MYH7B: variants seen among roughly 807,000 people sequenced by gnomAD.
MYH7B encodes myosin heavy chain 7B.
MYH7B carries 205 observed loss-of-function variants against 234.5 expected under a neutral mutation model. That is an observed-to-expected ratio of 0.87 (90% CI 0.78 to 0.98). The LOEUF is 0.98. Among genes scored for constraint, MYH7B ranks in the 50% least tolerant of loss-of-function variants. The pLI, the probability that MYH7B is intolerant of heterozygous loss-of-function variation, is 0.00. For synonymous variants in MYH7B, 1,193 were observed against 1,105.0 expected (o/e 1.08, Z -1.58); for missense variants, 2,652 against 2,633.4 (o/e 1.01, Z -0.15).
intron 26 of MYH7B, among the ~76,000 whole-genome samples, 192 bp downstream of exon 26, chr20:34,993,662 C>T (rs1202039299): frequency 6.6e-6 from 1 of 152,252 alleles, no homozygotes; most frequent in African/African-American, 2.4e-5. Flanking sequence ...GCACTTGCCT[C>T]TCCATTTCAG....
chr20:34,964,948 A>C (rs1484422311), intron 2 of MYH7B, among the ~76,000 whole-genome samples: 1 of 152,064 alleles, frequency 6.6e-6, no homozygotes, highest in East Asian at 1.9e-4. Context: ...AATGAATAGT[A>C]ATGATTATAT....
chr20:34,984,458 A>C (rs1261185505), intron 10 of MYH7B, among the ~76,000 whole-genome samples: 2 of 152,074 alleles, frequency 1.3e-5, no homozygotes, highest in Non-Finnish European at 2.9e-5. Context: ...GGGGCAGAGG[A>C]GGCTGCAGGT....
At chr20:35,001,645 A>G (rs1395802063) in intron 43 of MYH7B, 119 bp downstream of exon 43, 4 of 919,762 alleles carry the variant, frequency 4.3e-6, no homozygotes, top group Non-Finnish European at 6.7e-6. Flanking sequence ...CAGAGGGAAG[A>G]GAGAAGCTTC....
chr20:34,986,721 G>C (rs1349589903), intron 14 of MYH7B, among the ~76,000 whole-genome samples, 165 bp from the exon 15 acceptor site: 1 of 152,208 alleles, frequency 6.6e-6, no homozygotes, highest in African/African-American at 2.4e-5. Context: ...CTTGGCAGGA[G>C]TGAGGATGAG....
chr20:34,999,494 G>C (rs1029350065), intron 36 of MYH7B, 77 bp from the exon 37 acceptor site: 45 of 1,526,582 alleles, frequency 2.9e-5, no homozygotes, highest in Non-Finnish European at 3.9e-5. Flanking sequence ...GGCCACCCTG[G>C]AATCAGGGGT....
chr20:34,984,592 C>T (rs1055385257), intron 10 of MYH7B, 100 bp from the exon 11 acceptor site: 7 of 1,062,746 alleles, frequency 6.6e-6, no homozygotes, highest in East Asian at 4.9e-5. Context: ...ACTCCACCCC[C>T]CTGTCCTGCT....
chr20:34,967,713 C>T (rs2081755981), intron 2 of MYH7B, among the ~76,000 whole-genome samples: 1 of 152,180 alleles, frequency 6.6e-6, no homozygotes, highest in African/African-American at 2.4e-5. Context: ...GCCTAAGACT[C>T]CTGAACCTTC....
intron 2 of MYH7B, among the ~76,000 whole-genome samples, chr20:34,970,167 C>T (rs1484231994): frequency 6.6e-6 from 1 of 152,178 alleles, no homozygotes; most frequent in Non-Finnish European, 1.5e-5. Flanking sequence ...TCATGCCCTC[C>T]CTCTTCCTAA....
chr20:34,995,506 CAAG>C (rs1569056275), exon 28 of MYH7B: 4 of 1,614,138 alleles, frequency 2.5e-6, no homozygotes, highest in Admixed American at 1.7e-5. Flanking sequence ...GCACGGAGCT[CAAG>C]AAGGACATTG....
rs1481240696 is a variant in MYH7B, at chr20:35,001,232, C to T, written c.5476-13C>T. 1 of 1,607,906 alleles carries T rather than the reference C, an allele frequency of 6.2e-7. No homozygotes were observed. The highest frequency in any genetic ancestry group is 8.5e-7 in the Non-Finnish European group (1 of 1,176,536). ...GGGGTGGGCTTGGCATCAGGCTGTC[C>T]CCCTGCCTGCAGGTACGGGAGCTGG... On this transcript the variant is annotated splice_polypyrimidine_tract_variant and intron_variant, in intron 41 of 44. Transcript: ENST00000262873.
exon 45 of MYH7B, chr20:35,002,321 A>T: frequency 1.0e-6 from 1 of 982,900 alleles, no homozygotes. Flanking sequence ...AATAAACACC[A>T]CAGCCAGTTT....
At position 34,996,205 on chromosome 20, in the gene MYH7B, C is replaced by T. The variant is rs921394259; in HGVS notation, c.2944-141C>T. ...CCATGAGGAGGGTCCTTCCCTCAGG[C>T]AGAAGCGGTGGAGGCTCGGAGTCAA... On this transcript the variant is annotated intron_variant, in intron 28 of 44. Transcript: ENST00000262873. 7.2e-6 allele frequency: 7 copies of T among 976,494 alleles called. No individual in the cohort carries two copies. The African/African-American group carries it at 9.9e-5, about 14-fold the overall frequency. The allele number at this position is 976,494 out of a possible 1,614,324, so 60.5% of individuals were successfully genotyped here. A position where few individuals can be genotyped will look rare whatever the true frequency, so the allele number is the denominator to read the frequency against.
chr20:34,987,496 G>A (rs1426088038), intron 16 of MYH7B, 61 bp from the exon 17 acceptor site: 4 of 1,486,344 alleles, frequency 2.7e-6, no homozygotes, highest in Admixed American at 3.6e-5. Context: ...GGCTGAGGCA[G>A]TAGAGCCCCT....
In MYH7B at chr20:34,997,449, G is replaced by A. The variant is rs768172602; in HGVS notation, c.3556G>A (p.Glu1186Lys). ...GCTGGGGAGGCTGCGGCGGGAGCTG[G>A]AGGAGGCGGCGCTGCGGCACGAGGC... is the stretch of plus-strand genomic sequence containing the variant. Residue 1186 changes from glutamate to lysine, a missense_variant, in exon 32 of 45, where the codon GAG (glutamate) becomes AAG (lysine). This residue lies in a region of MYH7B where 2,279 missense variants were observed against 2,211.4 expected (regional missense o/e 1.03). Coordinates refer to ENST00000262873, the Ensembl canonical transcript of MYH7B. The A allele has an allele frequency of 7.0e-5, 104 of 1,483,660 alleles. No homozygotes were observed. The highest frequency in any genetic ancestry group is 8.9e-5 in the Non-Finnish European group (100 of 1,122,856). 91.9% of individuals were successfully genotyped at this position (1,483,660 alleles called of 1,614,324 possible). A position where few individuals can be genotyped will look rare whatever the true frequency, so the allele number is the denominator to read the frequency against.
Position 34,988,076 on chromosome 20 carries a change from CCCCTCCCT to C in MYH7B, c.1417-14_1417-7del. On this transcript the variant is annotated splice_polypyrimidine_tract_variant and splice_region_variant and intron_variant, in intron 18 of 44. Coordinates refer to ENST00000262873, the Ensembl canonical transcript of MYH7B. ...TCTGCGAGAGGTCTGCTGAGCCAGGCCCCTCCCTCTTGTAGTTCAACAGCTTCGAACAG... is the reference window on the plus strand; with the variant it reads ...TCTGCGAGAGGTCTGCTGAGCCAGGCCTTGTAGTTCAACAGCTTCGAACAG... The C allele has an allele frequency of 6.2e-7, 1 of 1,606,026 alleles. No individual in the cohort carries two copies. The highest frequency in any genetic ancestry group is 8.5e-7 in the Non-Finnish European group (1 of 1,175,058).
intron 7 of MYH7B, 165 bp downstream of exon 7, chr20:34,979,969 A>C: frequency 2.3e-6 from 1 of 442,068 alleles, no homozygotes. Context: ...GCTGTGAGCG[A>C]TGAGGCGGGG....
At chr20:34,999,755 CCCCCCCA>C (rs760117085) in intron 37 of MYH7B, 29 bp from the exon 38 acceptor site, 1 of 1,296,294 alleles carries the variant, frequency 7.7e-7, no homozygotes, top group Non-Finnish European at 1.1e-6. Context: ...GGCCATCCCC[CCCCCCCA>C]CCCTACCCTG....
rs1188660129 is a variant in MYH7B at position 34,957,542 on chromosome 20, T to G, written c.-336-556T>G. ...TTCGTTGTTGTTGCCCAGGCTGGAG[T>G]GCAGTGGCACGATCTCAGCTCACTG... On this transcript the variant is annotated intron_variant, in intron 1 of 44. Transcript: ENST00000262873. 5.0e-5 allele frequency among the ~76,000 whole-genome samples: 7 copies of G among 139,454 alleles called. No homozygotes were observed. The Admixed American group carries it at 5.7e-4, about 11-fold the overall frequency. The allele number at this position is 139,454 out of a possible 152,430, so 91.5% of individuals were successfully genotyped here.
chr20:34,972,791 C>T (rs2081804749), intron 2 of MYH7B, among the ~76,000 whole-genome samples: 1 of 152,008 alleles, frequency 6.6e-6, no homozygotes, highest in African/African-American at 2.4e-5. Context: ...ACCATCATGC[C>T]CAGCCAATTT....
Sources: gnomAD v4.1 joint callset for allele counts (sites outside exome capture counted in the v4.1 genomes callset) on GRCh38, gnomAD v4.1.1 for gene constraint, gnomAD v4.1.1 regional missense constraint, MANE v1.5 for transcripts, NCBI Gene and HGNC (gene_info 2026-07-23, HGNC 2026-07-21) for gene names.